The following TACR1 variants were observed in gnomAD, a reference collection of about 807,000 sequenced individuals.
TACR1 encodes the protein tachykinin receptor 1, also known as substance-P receptor.
TACR1 carries 25 observed loss-of-function variants against 35.8 expected under a neutral mutation model. The observed-to-expected ratio is 0.70, with a 90% CI of 0.51 to 0.98. The LOEUF is 0.98. Among genes scored for constraint, TACR1 ranks in the 50% least tolerant of loss-of-function variants. The pLI is 0.00. For synonymous variants in TACR1, 195 were observed against 206.7 expected (o/e 0.94, Z 0.48); for missense variants, 478 against 522.9 (o/e 0.91, Z 0.84).
intron 1 of TACR1, among the ~76,000 whole-genome samples, chr2:75,127,207 T>C (rs1215198479): frequency 6.6e-6 from 1 of 152,146 alleles, no homozygotes; most frequent in Non-Finnish European, 1.5e-5. Context: ...TCTTCCAGGA[T>C]ATTTTTTTAT....
At chr2:75,190,786 G>T (rs943887530) in intron 1 of TACR1, among the ~76,000 whole-genome samples, 2 of 152,116 alleles carry the variant, frequency 1.3e-5, no homozygotes, top group Non-Finnish European at 2.9e-5. Context: ...GGAACCCATC[G>T]CCTGGGCTCT....
At chr2:75,071,926 C>A (rs982604296) in intron 2 of TACR1, among the ~76,000 whole-genome samples, 1 of 152,138 alleles carries the variant, frequency 6.6e-6, no homozygotes, top group Admixed American at 6.5e-5. Context: ...TGAGCAATTT[C>A]AGTGTCGGGA....
chr2:75,068,315 C>T (rs922962314), intron 2 of TACR1, among the ~76,000 whole-genome samples: 2 of 152,138 alleles, frequency 1.3e-5, no homozygotes, highest in East Asian at 1.9e-4. Context: ...GAGGGTCCCT[C>T]ACATCATGGA....
At position 75,046,891 on chromosome 2, in the gene TACR1, T is replaced by C. The variant is rs923718607; in HGVS notation, c.*2541A>G. 1 of 152,218 alleles carries C rather than the reference T, an allele frequency of 6.6e-6. No individual in the cohort carries two copies. The highest frequency in any genetic ancestry group is 1.5e-5 in the Non-Finnish European group (1 of 68,040). The allele number at this position is 152,218 out of a possible 1,614,324, so 9.4% of individuals were successfully genotyped here. On this transcript the variant is annotated 3_prime_UTR_variant, in exon 5 of 5. Transcript: ENST00000305249. ...AAGATGGTTCCTTGATATTTCATAT[T>C]CTATTACTACTGGACATTACACCAA...
At chr2:75,082,100 A>G (rs1328675153) in intron 2 of TACR1, among the ~76,000 whole-genome samples, 3 of 151,884 alleles carry the variant, frequency 2.0e-5, no homozygotes, top group Non-Finnish European at 4.4e-5. Context: ...GCTCTGGGGT[A>G]TGATGTTTCC....
intron 1 of TACR1, among the ~76,000 whole-genome samples, chr2:75,133,845 A>G (rs1341364866): frequency 6.6e-6 from 1 of 152,226 alleles, no homozygotes; most frequent in Non-Finnish European, 1.5e-5. Flanking sequence ...AGGGTGACAT[A>G]AGAGGTAGGC....
intron 2 of TACR1, among the ~76,000 whole-genome samples, chr2:75,062,856 A>G (rs1307044047): frequency 6.6e-6 from 1 of 152,202 alleles, no homozygotes; most frequent in Non-Finnish European, 1.5e-5. Flanking sequence ...TTTAATTATA[A>G]TTCTTAACTC....
chr2:75,168,489 G>C (rs1346637157), intron 1 of TACR1, among the ~76,000 whole-genome samples: 1 of 152,194 alleles, frequency 6.6e-6, no homozygotes, highest in Non-Finnish European at 1.5e-5. Flanking sequence ...TGGCTTTGAA[G>C]ATGGAGGAAG....
intron 2 of TACR1, among the ~76,000 whole-genome samples, chr2:75,079,800 G>C (rs1673048418): frequency 7.0e-6 from 1 of 143,358 alleles, no homozygotes; most frequent in Non-Finnish European, 1.5e-5. Context: ...TCCTCTGAGA[G>C]ATTGCTCTGC....
rs182076350 is a variant in TACR1, at chr2:75,093,918, A to G, written c.584+26656T>C. On this transcript the variant is annotated intron_variant, in intron 2 of 4. Coordinates refer to ENST00000305249, the MANE Select transcript of TACR1 (RefSeq NM_001058.4). ...CTCGTTTAAGAGGCTCTCTCTTTCT[A>G]CATGTGAGGAAACAGGCCCACAGAG... is the stretch of plus-strand genomic sequence containing the variant. Among the ~76,000 whole-genome samples, 7 of 152,174 alleles carry G rather than the reference A, an allele frequency of 4.6e-5. No homozygotes were observed. In the South Asian group the frequency reaches 6.2e-4, roughly 14 times the overall value.
At chr2:75,059,541 C>G (rs145897193) in intron 2 of TACR1, among the ~76,000 whole-genome samples, 5 of 152,214 alleles carry the variant, frequency 3.3e-5, no homozygotes, top group Admixed American at 1.3e-4. Context: ...CCAGGTGATA[C>G]TCCTGTGCAG....
intron 1 of TACR1, among the ~76,000 whole-genome samples, chr2:75,158,851 C>T (rs549971403): frequency 2.6e-5 from 4 of 152,292 alleles, no homozygotes; most frequent in African/African-American, 9.6e-5. Context: ...GGTCCCATGT[C>T]CCAGGCCTGG....
intron 3 of TACR1, 30 bp downstream of exon 3, chr2:75,053,575 G>T (rs1672511877): frequency 2.0e-6 from 3 of 1,490,450 alleles, no homozygotes; most frequent in African/African-American, 1.4e-5. Flanking sequence ...CTGTGCCAGG[G>T]TGGGTTAGTT....
At chr2:75,125,350 A>AT (rs979176389) in intron 1 of TACR1, among the ~76,000 whole-genome samples, 4 of 151,448 alleles carry the variant, frequency 2.6e-5, no homozygotes, top group East Asian at 2.0e-4. Flanking sequence ...TGCCTAGCTA[A>AT]TTTTTTTGCA....
chr2:75,135,017 G>T (rs1674251214), intron 1 of TACR1, among the ~76,000 whole-genome samples: 1 of 152,184 alleles, frequency 6.6e-6, no homozygotes, highest in African/African-American at 2.4e-5. Flanking sequence ...GAGCAAGAGA[G>T]AAATAGGCTC....
intron 2 of TACR1, among the ~76,000 whole-genome samples, chr2:75,098,815 C>T (rs981624145): frequency 3.3e-5 from 5 of 152,140 alleles, no homozygotes; most frequent in Admixed American, 3.3e-4. Context: ...CCTGTCAATA[C>T]TTGAAATTTT....
At chr2:75,096,453 G>T (rs1375749210) in intron 2 of TACR1, among the ~76,000 whole-genome samples, 3 of 152,160 alleles carry the variant, frequency 2.0e-5, no homozygotes, top group Non-Finnish European at 4.4e-5. Flanking sequence ...CCAGTTGTGT[G>T]ATGGATAAAT....
intron 2 of TACR1, among the ~76,000 whole-genome samples, chr2:75,113,494 T>A (rs543904681): frequency 6.6e-6 from 1 of 151,978 alleles, no homozygotes; most frequent in African/African-American, 2.4e-5. Flanking sequence ...CTTCCTAGTT[T>A]CTGCAGTAAC....
chr2:75,119,252 G>GTA (rs2103904927), intron 2 of TACR1, among the ~76,000 whole-genome samples: 1 of 152,262 alleles, frequency 6.6e-6, no homozygotes, highest in Non-Finnish European at 1.5e-5. Context: ...TAGCTTACAA[G>GTA]GTGAGAATAC....
Sources: gnomAD v4.1 joint callset for allele counts (sites outside exome capture counted in the v4.1 genomes callset) on GRCh38, gnomAD v4.1.1 for gene constraint, MANE v1.5 for transcripts, NCBI Gene and HGNC (gene_info 2026-07-23, HGNC 2026-07-21) for gene names.